GLIS3: variants seen among roughly 807,000 people sequenced by gnomAD.
GLIS3 encodes zinc finger protein GLIS3.
In GLIS3, 53 loss-of-function variants were observed where a neutral mutation model predicts 78.6. The observed-to-expected ratio is 0.67, with a 90% confidence interval of 0.54 to 0.85. The LOEUF (loss-of-function observed/expected upper bound fraction) is 0.85, where lower values mean the gene tolerates loss of function less well. Among genes scored for constraint, GLIS3 ranks in the 40% least tolerant of loss-of-function variants. The pLI, the probability that GLIS3 is intolerant of heterozygous loss-of-function variation, is 0.00. For synonymous variants in GLIS3, 684 were observed against 509.9 expected (o/e 1.34, Z -4.60); for missense variants, 1,703 against 1,231.1 (o/e 1.38, Z -5.74).
intron 2 of GLIS3, among the ~76,000 whole-genome samples, chr9:4,279,040 G>T (rs931474868): frequency 6.6e-6 from 1 of 152,224 alleles, no homozygotes; most frequent in South Asian, 2.1e-4. Flanking sequence ...GGTGGCTCAT[G>T]CCTGTAATCC....
At chr9:4,310,531 A>G (rs1373938446) in intron 2 of GLIS3, 3 of 152,202 alleles carry the variant, frequency 2.0e-5, no homozygotes, top group Admixed American at 6.5e-5. Flanking sequence ...TTGCAAACCT[A>G]AACCCCAAAT....
At chr9:4,397,664 G>GA in the GLIS3 span, among the ~76,000 whole-genome samples, 1 of 83,280 alleles carries the variant, frequency 1.2e-5, no homozygotes, top group Non-Finnish European at 2.2e-5. Flanking sequence ...AAGGAAGGAA[G>GA]GAAGGGAGGG....
chr9:4,490,076 T>C, the GLIS3 span, among the ~76,000 whole-genome samples: 9 of 152,226 alleles, frequency 5.9e-5, no homozygotes, highest in Non-Finnish European at 1.3e-4. Context: ...GCACCCGTTC[T>C]GCAGGTGCCG....
intron 2 of GLIS3, among the ~76,000 whole-genome samples, chr9:4,342,204 C>T (rs1037071440): frequency 6.6e-6 from 1 of 152,108 alleles, no homozygotes; most frequent in African/African-American, 2.4e-5. Context: ...GGTTATCTTT[C>T]AGGGTTTTTA....
chr9:4,302,599 A>G (rs575089993), upstream of GLIS3, among the ~76,000 whole-genome samples: 19 of 152,372 alleles, frequency 1.2e-4, no homozygotes, highest in East Asian at 3.7e-3. Context: ...TGATGTGGCT[A>G]TGAATAATCT....
intron 4 of GLIS3, chr9:4,308,692 CTT>C (rs991794214): frequency 8.5e-5 from 13 of 152,274 alleles, no homozygotes; most frequent in Admixed American, 7.8e-4. Flanking sequence ...CATCAGGACT[CTT>C]TATAAGCTTC....
At chr9:3,953,796 T>TAC in intron 4 of GLIS3, among the ~76,000 whole-genome samples, 1 of 24,388 alleles carries the variant, frequency 4.1e-5, no homozygotes, top group African/African-American at 1.3e-4. Context: ...TCTCTCTCTC[T>TAC]ATATATATAT....
At chr9:4,040,869 A>T (rs1588515329) in intron 4 of GLIS3, among the ~76,000 whole-genome samples, 1 of 152,202 alleles carries the variant, frequency 6.6e-6, no homozygotes, top group Non-Finnish European at 1.5e-5. Flanking sequence ...AGTGGTTCTC[A>T]AAGGTGGTCT....
At chr9:4,357,685 G>T in the GLIS3 span, among the ~76,000 whole-genome samples, 1 of 151,982 alleles carries the variant, frequency 6.6e-6, no homozygotes, top group Admixed American at 6.6e-5. Context: ...CAACTTTTTG[G>T]GGATTAGGTA....
chr9:4,485,882 C>A, the GLIS3 span, among the ~76,000 whole-genome samples: 2 of 152,050 alleles, frequency 1.3e-5, no homozygotes, highest in Non-Finnish European at 2.9e-5. Context: ...CCACCATGCC[C>A]AGCTAATTTT....
chr9:4,234,847 T>C (rs546190313), intron 2 of GLIS3, among the ~76,000 whole-genome samples: 6 of 152,010 alleles, frequency 3.9e-5, no homozygotes, highest in Admixed American at 6.6e-5. Flanking sequence ...TTTCAGAAAA[T>C]AGGTTTATCT....
At chr9:4,401,502 A>T in the GLIS3 span, among the ~76,000 whole-genome samples, 2,411 of 151,214 alleles carry the variant, frequency 0.016, 72 homozygotes, top group African/African-American at 0.055. Context: ...AACCTCGGGT[A>T]ATCCACTTGC....
chr9:3,902,170 T>C (rs1823354172), intron 6 of GLIS3, among the ~76,000 whole-genome samples: 1 of 152,220 alleles, frequency 6.6e-6, no homozygotes, highest in African/African-American at 2.4e-5. Flanking sequence ...GAGAGTTAAT[T>C]TGGTTTTCTC....
At chr9:4,435,968 C>CAAAACA in the GLIS3 span, among the ~76,000 whole-genome samples, 1 of 151,924 alleles carries the variant, frequency 6.6e-6, no homozygotes. Context: ...CAAAACAAAA[C>CAAAACA]AAAACAAAAA....
At chr9:4,319,823 T>A (rs1452157636) in intron 2 of GLIS3, among the ~76,000 whole-genome samples, 1 of 152,180 alleles carries the variant, frequency 6.6e-6, no homozygotes, top group African/African-American at 2.4e-5. Flanking sequence ...ACAAAATTTC[T>A]ACCCCAATAA....
At chr9:4,114,703 A>G (rs115248680) in intron 4 of GLIS3, among the ~76,000 whole-genome samples, 1 of 152,102 alleles carries the variant, frequency 6.6e-6, no homozygotes, top group Non-Finnish European at 1.5e-5. Flanking sequence ...CTGTCTGTCT[A>G]CAGAGGCCTT....
chr9:4,398,694 T>C, the GLIS3 span, among the ~76,000 whole-genome samples: 2 of 151,958 alleles, frequency 1.3e-5, no homozygotes, highest in South Asian at 4.1e-4. Context: ...GTTGTTGTTG[T>C]TGTATTTTGT....
At chr9:4,241,743 C>T (rs777892566) in intron 2 of GLIS3, among the ~76,000 whole-genome samples, 10 of 152,108 alleles carry the variant, frequency 6.6e-5, no homozygotes, top group East Asian at 1.9e-4. Flanking sequence ...AATGCAGCAG[C>T]GTGATCTTGG....
intron 2 of GLIS3, among the ~76,000 whole-genome samples, chr9:4,317,653 T>A (rs1005413594): frequency 1.3e-5 from 2 of 152,210 alleles, no homozygotes; most frequent in Non-Finnish European, 2.9e-5. Flanking sequence ...GTATCTTTTT[T>A]AAAAATCAGC....
Sources: allele counts gnomAD v4.1 joint callset (sites outside exome capture counted in the v4.1 genomes callset), GRCh38; gene constraint gnomAD v4.1.1; transcripts MANE v1.5; gene names NCBI Gene and HGNC (gene_info 2026-07-23, HGNC 2026-07-21).